The following CHST9 variants were observed in gnomAD, a reference collection of about 807,000 sequenced individuals.
The protein encoded by CHST9 is GalNAc-4-sulfotransferase 2.
A neutral mutation model predicts 44.4 loss-of-function variants in CHST9; 41 were observed. That is an observed-to-expected ratio of 0.92 (90% CI 0.72 to 1.20). The LOEUF (loss-of-function observed/expected upper bound fraction) is 1.20, where lower values mean the gene tolerates loss of function less well. Ranked by LOEUF, CHST9 falls within the 50% of genes most tolerant of loss-of-function variation. The probability of loss-of-function intolerance (pLI) is 0.00; values close to 1 mark genes in which losing one functional copy is unlikely to be tolerated. For synonymous variants in CHST9, 171 were observed against 178.4 expected, an observed-to-expected ratio of 0.96 and a Z score of 0.33; for missense variants, 504 against 516.5, an observed-to-expected ratio of 0.98 and a Z score of 0.23.
At chr18:26,950,910 C>CT (rs1267475599) in intron 4 of CHST9, among the ~76,000 whole-genome samples, 11 of 152,084 alleles carry the variant, frequency 7.2e-5, no homozygotes, top group Non-Finnish European at 1.3e-4. Context: ...TAAAACTAGT[C>CT]TTTTTTGTCT....
chr18:27,017,015 G>C (rs984045537), intron 4 of CHST9, among the ~76,000 whole-genome samples: 1 of 152,122 alleles, frequency 6.6e-6, no homozygotes. Context: ...GTGATATAAA[G>C]ATCATTATCT....
At chr18:27,140,309 C>T (rs994244169) in intron 2 of CHST9, among the ~76,000 whole-genome samples, 8 of 152,088 alleles carry the variant, frequency 5.3e-5, no homozygotes, top group Non-Finnish European at 1.2e-4. Context: ...ATAATACTCA[C>T]CTAGTAAGAT....
intron 1 of CHST9, among the ~76,000 whole-genome samples, chr18:27,146,659 A>G (rs1031568617): frequency 6.6e-6 from 1 of 152,228 alleles, no homozygotes; most frequent in Non-Finnish European, 1.5e-5. Flanking sequence ...CATAAACAGA[A>G]TATCTTGAGC....
intron 2 of CHST9, among the ~76,000 whole-genome samples, chr18:27,061,460 T>C (rs2057720736): frequency 6.6e-6 from 1 of 152,192 alleles, no homozygotes; most frequent in Admixed American, 6.5e-5. Context: ...GAGGATCTTC[T>C]CTTGCTCTCT....
At chr18:27,177,653 T>C (rs1016315631) in intron 1 of CHST9, among the ~76,000 whole-genome samples, 1 of 151,988 alleles carries the variant, frequency 6.6e-6, no homozygotes, top group Non-Finnish European at 1.5e-5. Context: ...TATTTTTCCT[T>C]TTCTTAACCA....
At chr18:27,086,954 A>G (rs985996657) in intron 2 of CHST9, among the ~76,000 whole-genome samples, 1 of 152,184 alleles carries the variant, frequency 6.6e-6, no homozygotes, top group African/African-American at 2.4e-5. Context: ...CTAAAAAAAA[A>G]TAAATGAAAC....
intron 4 of CHST9, 142 bp from the exon 5 acceptor site, chr18:26,944,508 T>C (rs1428216763): frequency 1.6e-6 from 1 of 627,936 alleles, no homozygotes. Flanking sequence ...AATGTGGATG[T>C]TTACAACCAC....
rs116266971 is a variant in CHST9 at position 26,997,409 on chromosome 18, G to T, written c.202+26707C>A. 7.9e-3 allele frequency among the ~76,000 whole-genome samples: 1,201 copies of T among 152,224 alleles called. 19 individuals are homozygous for T. Among genetic ancestry groups the T allele is most frequent in the African/African-American group, 0.027 (1,114 of 41,530 alleles). On this transcript the variant is annotated intron_variant, in intron 4 of 5. Coordinates refer to ENST00000618847, the MANE Select transcript of CHST9 (RefSeq NM_031422.6). ...ATCCATCTTTCTAAGCCATCTGTGGGGGTTTGGTTACTTCTTCTTACATAA... is the reference window on the plus strand; with the variant it reads ...ATCCATCTTTCTAAGCCATCTGTGGTGGTTTGGTTACTTCTTCTTACATAA...
At chr18:27,000,441 T>C (rs2056935295) in intron 4 of CHST9, among the ~76,000 whole-genome samples, 1 of 152,242 alleles carries the variant, frequency 6.6e-6, no homozygotes, top group South Asian at 2.1e-4. Context: ...TGCTTTCAGC[T>C]AACTCAAATG....
At chr18:26,947,633 C>G (rs147196640) in intron 4 of CHST9, among the ~76,000 whole-genome samples, 122 of 152,192 alleles carry the variant, frequency 8.0e-4, no homozygotes, top group African/African-American at 2.6e-3. Flanking sequence ...ATGCAGCCAA[C>G]AAACATATGA....
rs532203885 is a variant in CHST9 at position 27,079,463 on chromosome 18, A to AT, written c.122-30961dup. Among the ~76,000 whole-genome samples, 29 of 151,242 alleles carry AT rather than the reference A, an allele frequency of 1.9e-4. No homozygotes were observed. In the East Asian group the frequency reaches 1.9e-3, roughly 10 times the overall value. On this transcript the variant is annotated intron_variant, in intron 2 of 5. Transcript: ENST00000618847. ...CCTCTTTGATGATATAATATTTTCT[A>AT]TTTTTTTTTACTTTATCAAATTAGC...
intron 4 of CHST9, among the ~76,000 whole-genome samples, chr18:26,987,889 C>T (rs2056772709): frequency 6.6e-6 from 1 of 152,130 alleles, no homozygotes; most frequent in South Asian, 2.1e-4. Flanking sequence ...TCTGACCATG[C>T]TCAACCTGAT....
At chr18:27,160,524 G>C (rs2143926683) in intron 1 of CHST9, among the ~76,000 whole-genome samples, 1 of 152,288 alleles carries the variant, frequency 6.6e-6, no homozygotes, top group East Asian at 1.9e-4. Flanking sequence ...GTATTTTATT[G>C]AGGATTTTTG....
intron 5 of CHST9, among the ~76,000 whole-genome samples, chr18:26,943,600 G>A (rs373830713): frequency 6.6e-6 from 1 of 152,226 alleles, no homozygotes; most frequent in South Asian, 2.1e-4. Context: ...GTCAATGTCT[G>A]CATTCTCTGA....
intron 2 of CHST9, among the ~76,000 whole-genome samples, chr18:27,057,578 G>A (rs1007549795): frequency 2.0e-5 from 3 of 152,196 alleles, no homozygotes; most frequent in Admixed American, 6.5e-5. Flanking sequence ...TTGCTAGGAC[G>A]CTTAGGCAAA....
chr18:27,071,595 C>A (rs2057840327), intron 2 of CHST9, among the ~76,000 whole-genome samples: 1 of 152,120 alleles, frequency 6.6e-6, no homozygotes, highest in South Asian at 2.1e-4. Flanking sequence ...TTGTTGCATT[C>A]CTCTAAGTGG....
chr18:27,013,072 T>C (rs1273906900), intron 4 of CHST9, among the ~76,000 whole-genome samples: 3 of 152,210 alleles, frequency 2.0e-5, no homozygotes, highest in Non-Finnish European at 4.4e-5. Context: ...TTCATTACTG[T>C]ATGAGCTTGG....
intron 2 of CHST9, among the ~76,000 whole-genome samples, chr18:27,064,243 C>T (rs1014921833): frequency 6.7e-6 from 1 of 149,902 alleles, no homozygotes; most frequent in African/African-American, 2.5e-5. Context: ...TCAGATCACA[C>T]ATTTGTAATA....
At chr18:27,102,620 C>T (rs2058184990) in intron 2 of CHST9, among the ~76,000 whole-genome samples, 1 of 152,152 alleles carries the variant, frequency 6.6e-6, no homozygotes, top group Non-Finnish European at 1.5e-5. Context: ...ATATTATCAC[C>T]TCAAAATTTG....
Sources: gnomAD v4.1 joint callset for allele counts (sites outside exome capture counted in the v4.1 genomes callset) on GRCh38, gnomAD v4.1.1 for gene constraint, MANE v1.5 for transcripts, NCBI Gene and HGNC (gene_info 2026-07-23, HGNC 2026-07-21) for gene names.